EEFSEC: variants seen among roughly 807,000 people sequenced by gnomAD.
EEFSEC encodes the protein selenocysteine-specific elongation factor.
EEFSEC carries 43 observed loss-of-function variants against 42.1 expected under a neutral mutation model. The ratio of observed to expected loss-of-function variants is 1.02; its 90% confidence interval spans 0.80 to 1.32. The LOEUF is 1.32. Ranked by LOEUF, EEFSEC falls within the 40% of genes most tolerant of loss-of-function variation. The probability of loss-of-function intolerance (pLI) is 0.00; values close to 1 mark genes in which losing one functional copy is unlikely to be tolerated. For synonymous variants in EEFSEC, 354 were observed against 339.1 expected (o/e 1.04, Z -0.48); for missense variants, 745 against 803.6 (o/e 0.93, Z 0.88).
Position 128,341,810 on chromosome 3 carries a change from AG to A in EEFSEC, c.1366del (p.Asp456ThrfsTer12), listed in dbSNP as rs1447693998. ...CATGGCATCCTGCTCCACGGGCTAG[AG>A]GACAGGAACTACGCCGACAGCTTCC... ...AFHGILLHGL[E>X]DRNYADSFLP... On this transcript the variant is annotated frameshift_variant, in exon 5 of 7. Coordinates refer to ENST00000254730, the MANE Select transcript of EEFSEC (RefSeq NM_021937.5). LOFTEE classifies it high-confidence loss of function. 1 of 1,613,930 alleles carries A rather than the reference AG, an allele frequency of 6.2e-7. No homozygotes were observed. The highest frequency in any genetic ancestry group is 1.3e-5 in the African/African-American group (1 of 74,944).
At chr3:128,287,968 C>T (rs1013502071) in intron 4 of EEFSEC, among the ~76,000 whole-genome samples, 2 of 151,120 alleles carry the variant, frequency 1.3e-5, no homozygotes, top group Admixed American at 6.6e-5. Flanking sequence ...CCCCGCCCCC[C>T]CCAAAAAACT....
chr3:128,192,841 A>G (rs764590506), intron 1 of EEFSEC, among the ~76,000 whole-genome samples: 3 of 152,214 alleles, frequency 2.0e-5, no homozygotes, highest in Non-Finnish European at 4.4e-5. Flanking sequence ...GGTGGGTAGT[A>G]GTAATAATGT....
chr3:128,391,585 G>A (rs941329793), intron 6 of EEFSEC, among the ~76,000 whole-genome samples: 3 of 152,226 alleles, frequency 2.0e-5, no homozygotes, highest in Non-Finnish European at 4.4e-5. Context: ...TTTGAAGCAA[G>A]CCAATGCTCC....
At chr3:128,243,521 T>TG (rs1461890987) in intron 1 of EEFSEC, among the ~76,000 whole-genome samples, 1 of 152,228 alleles carries the variant, frequency 6.6e-6, no homozygotes, top group Non-Finnish European at 1.5e-5. Flanking sequence ...TATGGACATT[T>TG]GCTGCATTAG....
Position 128,382,471 on chromosome 3 carries a change from G to A in EEFSEC, c.1600+24098G>A, listed in dbSNP as rs189566144. The stretch of plus-strand genomic sequence containing the variant: ...TCCATGTATGTGTGTGCGTGCTCAC[G>A]CTTTTGTGTGTGTGGTGTGTTTTTG... On this transcript the variant is annotated intron_variant, in intron 6 of 6. Coordinates refer to ENST00000254730, the MANE Select transcript of EEFSEC (RefSeq NM_021937.5). Among the ~76,000 whole-genome samples, 33 of 152,312 alleles carry A rather than the reference G, an allele frequency of 2.2e-4. No individual in the cohort carries two copies. The East Asian group carries it at 2.3e-3, about 11-fold the overall frequency.
At chr3:128,216,058 T>C (rs762316220) in intron 1 of EEFSEC, among the ~76,000 whole-genome samples, 20 of 152,248 alleles carry the variant, frequency 1.3e-4, no homozygotes, top group Non-Finnish European at 2.6e-4. Context: ...TGGGGATGCA[T>C]AGTTCTTGCA....
At chr3:128,314,001 G>T (rs2066917945) in intron 4 of EEFSEC, among the ~76,000 whole-genome samples, 1 of 152,108 alleles carries the variant, frequency 6.6e-6, no homozygotes, top group African/African-American at 2.4e-5. Context: ...GCTACCCCTT[G>T]CTTTTATCTC....
intron 4 of EEFSEC, among the ~76,000 whole-genome samples, chr3:128,307,493 A>G (rs1576625449): frequency 2.0e-5 from 3 of 152,340 alleles, no homozygotes; most frequent in African/African-American, 7.2e-5. Flanking sequence ...TGGCTCCCAC[A>G]GGGTGCCTGA....
chr3:128,288,724 T>C (rs2066612237), intron 4 of EEFSEC, among the ~76,000 whole-genome samples: 1 of 152,244 alleles, frequency 6.6e-6, no homozygotes, highest in Admixed American at 6.5e-5. Flanking sequence ...TGGAAATGTC[T>C]TGCCCCATCA....
chr3:128,371,460 C>G (rs2067652998), intron 6 of EEFSEC, among the ~76,000 whole-genome samples: 1 of 152,182 alleles, frequency 6.6e-6, no homozygotes, highest in South Asian at 2.1e-4. Flanking sequence ...AAAAACTTCT[C>G]TAGATGTTCC....
At chr3:128,179,520 GC>G (rs894330911) in intron 1 of EEFSEC, among the ~76,000 whole-genome samples, 7 of 152,150 alleles carry the variant, frequency 4.6e-5, no homozygotes, top group Non-Finnish European at 8.8e-5. Flanking sequence ...ACCAAAAGGG[GC>G]AAGTTTTAAA....
intron 6 of EEFSEC, among the ~76,000 whole-genome samples, chr3:128,372,825 T>A (rs1427489853): frequency 3.9e-5 from 6 of 152,112 alleles, no homozygotes; most frequent in African/African-American, 1.4e-4. Context: ...CAGGTTAGGG[T>A]GAAGGGTGCT....
chr3:128,410,907 G>A (rs560196748), downstream of EEFSEC, among the ~76,000 whole-genome samples: 2 of 152,316 alleles, frequency 1.3e-5, no homozygotes, highest in South Asian at 2.1e-4. Flanking sequence ...GAGGGGGCTC[G>A]GGTGGAGGAA....
intron 6 of EEFSEC, among the ~76,000 whole-genome samples, chr3:128,382,545 A>C (rs1389213052): frequency 6.6e-6 from 1 of 152,194 alleles, no homozygotes; most frequent in Non-Finnish European, 1.5e-5. Flanking sequence ...GGCAGTTGTA[A>C]AACATTCATA....
At chr3:128,340,827 G>T (rs553653359) in intron 4 of EEFSEC, among the ~76,000 whole-genome samples, 10 of 152,190 alleles carry the variant, frequency 6.6e-5, no homozygotes, top group African/African-American at 2.2e-4. Flanking sequence ...GGCCATTCTT[G>T]GGGGAGGAGG....
At chr3:128,199,273 C>T (rs1283602742) in intron 1 of EEFSEC, among the ~76,000 whole-genome samples, 1 of 152,204 alleles carries the variant, frequency 6.6e-6, no homozygotes, top group Non-Finnish European at 1.5e-5. Context: ...AATGCAAGAG[C>T]CTCCTCACCC....
At chr3:128,187,366 C>T (rs2107798631) in intron 1 of EEFSEC, among the ~76,000 whole-genome samples, 1 of 152,276 alleles carries the variant, frequency 6.6e-6, no homozygotes, top group South Asian at 2.1e-4. Context: ...TGTGCTAGAC[C>T]AGAGAGAAGG....
chr3:128,260,199 T>A (rs907827064), intron 2 of EEFSEC, among the ~76,000 whole-genome samples: 7 of 152,288 alleles, frequency 4.6e-5, no homozygotes, highest in African/African-American at 1.4e-4. Flanking sequence ...CCTCCACGAT[T>A]TCTCCTGAGA....
intron 1 of EEFSEC, among the ~76,000 whole-genome samples, chr3:128,228,886 A>G (rs2065933507): frequency 6.6e-6 from 1 of 152,218 alleles, no homozygotes; most frequent in Admixed American, 6.5e-5. Flanking sequence ...GTCACCTATA[A>G]AAACAGTGCT....
Sources: allele counts gnomAD v4.1 joint callset (sites outside exome capture counted in the v4.1 genomes callset), GRCh38; gene constraint gnomAD v4.1.1; transcripts MANE v1.5; gene names NCBI Gene and HGNC (gene_info 2026-07-23, HGNC 2026-07-21).